The following FABP6 variants were observed in gnomAD, a reference collection of about 807,000 sequenced individuals.
FABP6 encodes the protein fatty acid binding protein 6.
FABP6 carries 13 observed loss-of-function variants against 14.9 expected under a neutral mutation model. That is an observed-to-expected ratio of 0.87 (90% CI 0.57 to 1.39). FABP6 has a LOEUF of 1.39. FABP6 is among the 40% of genes most tolerant of loss of function. FABP6 has a pLI of 0.00. For missense variants in FABP6, 161 were observed against 167.2 expected (o/e 0.96, Z 0.20); for synonymous variants, 75 against 63.6 (o/e 1.18, Z -0.85).
chr5:160,232,812 G>A (rs1223117339), intron 2 of FABP6, among the ~76,000 whole-genome samples: 6 of 151,754 alleles, frequency 4.0e-5, no homozygotes, highest in East Asian at 3.9e-4. Context: ...CAGGGGAATC[G>A]CTTGAATCCA....
At position 160,232,136 on chromosome 5, in the gene FABP6, A is replaced by G; in HGVS notation, c.106A>G (p.Lys36Glu). 1 of 1,614,014 alleles carries G rather than the reference A, an allele frequency of 6.2e-7. No individual in the cohort carries two copies. Among genetic ancestry groups the G allele is most frequent in the Non-Finnish European group, 8.5e-7 (1 of 1,179,992 alleles). Residue 36 changes from lysine to glutamate, a missense_variant, in exon 2 of 4, where the codon AAG (lysine) becomes GAG (glutamate). Transcript: ENST00000402432. ...TGTAATCGAAAAGGCCCGCAACTTC[A>G]AGATCGTCACGGAGGTGCAGCAGGA... is the stretch of plus-strand genomic sequence containing the variant. ...SDVIEKARNF[K>E]IVTEVQQDGQ... is the part of the protein sequence containing the mutation.
intron 2 of FABP6, among the ~76,000 whole-genome samples, chr5:160,234,148 C>T (rs1057139300): frequency 6.6e-6 from 1 of 152,134 alleles, no homozygotes; most frequent in South Asian, 2.1e-4. Flanking sequence ...GCAAATAACT[C>T]ACAATCTTCC....
intron 1 of FABP6, among the ~76,000 whole-genome samples, chr5:160,230,351 A>G (rs1760349910): frequency 1.3e-5 from 2 of 151,540 alleles, no homozygotes; most frequent in Non-Finnish European, 2.9e-5. Flanking sequence ...TTAGTCAAAC[A>G]TGTATTTATT....
chr5:160,228,218 C>A (rs1036237552), upstream of FABP6, among the ~76,000 whole-genome samples: 1 of 151,874 alleles, frequency 6.6e-6, no homozygotes, highest in African/African-American at 2.4e-5. Context: ...GTGGAGAAAC[C>A]CCGTCTCTAC....
chr5:160,232,957 GC>G (rs1283008856), intron 2 of FABP6, among the ~76,000 whole-genome samples: 4 of 147,150 alleles, frequency 2.7e-5, no homozygotes, highest in Non-Finnish European at 5.9e-5. Flanking sequence ...ACAGGGGCAG[GC>G]CTTTACACCA....
intron 1 of FABP6, among the ~76,000 whole-genome samples, chr5:160,196,239 G>A (rs985521530): frequency 3.3e-5 from 5 of 152,230 alleles, no homozygotes; most frequent in African/African-American, 1.2e-4. Context: ...CCTGGAGAGG[G>A]ACATCCCCTA....
chr5:160,188,194 G>C (rs1759326205), intron 1 of FABP6, among the ~76,000 whole-genome samples: 1 of 152,128 alleles, frequency 6.6e-6, no homozygotes, highest in Non-Finnish European at 1.5e-5. Context: ...CTGGTGGAAT[G>C]GGGTAGCTGG....
intron 1 of FABP6, among the ~76,000 whole-genome samples, chr5:160,193,959 G>T (rs11954722): frequency 1.0e-3 from 155 of 152,342 alleles, no homozygotes; most frequent in Admixed American, 2.8e-3. Context: ...GGCGCTCGTC[G>T]GGGAGGCTCG....
In FABP6 at chr5:160,194,524, G is replaced by T. The variant is rs113180727; in HGVS notation, c.-58-4525G>T. On this transcript the variant is annotated intron_variant, in intron 1 of 6. Coordinates refer to the FABP6 transcript ENST00000393980. ...CCATTGCACTCCAGCCTGGGCAATG[G>T]AGCAAGACCCGGTCTCAAAAAAATT... is the stretch of plus-strand genomic sequence containing the variant. Among the ~76,000 whole-genome samples, 464 of 152,130 alleles carry T rather than the reference G, an allele frequency of 3.1e-3. 1 individual carries two copies. Among genetic ancestry groups the T allele is most frequent in the African/African-American group, 0.011 (446 of 41,500 alleles).
At chr5:160,224,528 G>A (rs955749786), upstream of FABP6, among the ~76,000 whole-genome samples, 4 of 152,176 alleles carry the variant, frequency 2.6e-5, no homozygotes, top group Non-Finnish European at 5.9e-5. Flanking sequence ...CATTAGAAAT[G>A]ATTAAGCTTA....
intron 2 of FABP6, among the ~76,000 whole-genome samples, chr5:160,200,906 A>G (rs1339409010): frequency 6.6e-6 from 1 of 152,110 alleles, no homozygotes; most frequent in Admixed American, 6.5e-5. Flanking sequence ...AACTGGCACA[A>G]TCTTCATGGA....
intron 1 of FABP6, among the ~76,000 whole-genome samples, chr5:160,194,708 C>T (rs1484608972): frequency 6.6e-6 from 1 of 152,110 alleles, no homozygotes; most frequent in Non-Finnish European, 1.5e-5. Context: ...CAGTGTCCAC[C>T]TCCTTACCTC....
At chr5:160,219,722 A>G (rs137916622) in intron 3 of FABP6, among the ~76,000 whole-genome samples, 3 of 152,260 alleles carry the variant, frequency 2.0e-5, no homozygotes, top group East Asian at 1.9e-4. Flanking sequence ...AAGGAAATCA[A>G]TGGGAAAGGG....
chr5:160,208,403 A>G lies in FABP6; in HGVS notation c.52-5333A>G, dbSNP rs577615882. 2.0e-5 allele frequency among the ~76,000 whole-genome samples: 3 copies of G among 152,228 alleles called. No homozygotes were observed. In the South Asian group the frequency reaches 6.2e-4, roughly 32 times the overall value. On this transcript the variant is annotated intron_variant, in intron 2 of 6. Transcript: ENST00000393980. ...TTGTGAGCTAAAATCATGCCACTGC[A>G]TTCCAGCCTGGGTGACAGAACAAGA...
In FABP6 at chr5:160,237,513, T is replaced by C. The variant is rs114905427; in HGVS notation, c.334-1093T>C. Among the ~76,000 whole-genome samples the C allele has an allele frequency of 7.3e-3, 1,104 of 152,088 alleles. 9 individuals are homozygous for C. Among genetic ancestry groups the C allele is most frequent in the South Asian group, 0.021 (103 of 4,816 alleles). ...TGGCACCTCCCCACTTCTCCACCAA[T>C]AGACAGTGCATTTTGTAAGCATCCC... On this transcript the variant is annotated intron_variant, in intron 3 of 3. Transcript: ENST00000402432.
At chr5:160,187,529 T>C (rs896211066) in intron 1 of FABP6, 7 of 55,888 alleles carry the variant, frequency 1.3e-4, no homozygotes, top group African/African-American at 4.9e-4. Flanking sequence ...GGGTGGGGGT[T>C]GGGGGGGAGC....
chr5:160,235,610 C>T lies in FABP6; in HGVS notation c.333+701C>T, dbSNP rs1047462676. 2.6e-5 allele frequency among the ~76,000 whole-genome samples: 4 copies of T among 152,200 alleles called. No individual in the cohort carries two copies. The East Asian group carries it at 5.8e-4, about 22-fold the overall frequency. On this transcript the variant is annotated intron_variant, in intron 3 of 3. Transcript: ENST00000402432. ...AAAGGGAAAAGAAGGCATTTCCATA[C>T]TTCATTCCCTCACTGTGAGCCTGTG... is the stretch of plus-strand genomic sequence containing the variant.
intron 1 of FABP6, among the ~76,000 whole-genome samples, chr5:160,196,164 G>A (rs1490915666): frequency 6.6e-6 from 1 of 152,244 alleles, no homozygotes; most frequent in East Asian, 1.9e-4. Flanking sequence ...GATGCCAGGT[G>A]GCTTGATGAT....
At position 160,232,902 on chromosome 5, in the gene FABP6, A is replaced by AAAAT. The variant is rs1055890861; in HGVS notation, c.243+641_243+644dup. On this transcript the variant is annotated intron_variant, in intron 2 of 3. Transcript: ENST00000402432. ...ACAGAGTGAGAGTCCATCACACAAAAAAATAAATAAATAAAAATAAAAAAA... is the reference window on the plus strand; with the variant it reads ...ACAGAGTGAGAGTCCATCACACAAAAAAATAAATAAATAAATAAAAATAAAAAAA... Among the ~76,000 whole-genome samples the AAAAT allele has an allele frequency of 5.3e-5, 8 of 151,498 alleles. No individual in the cohort carries two copies. In the South Asian group the frequency reaches 1.7e-3, roughly 32 times the overall value.
Sources: gnomAD v4.1 joint callset for allele counts (sites outside exome capture counted in the v4.1 genomes callset) on GRCh38, gnomAD v4.1.1 for gene constraint, MANE v1.5 for transcripts, NCBI Gene and HGNC (gene_info 2026-07-23, HGNC 2026-07-21) for gene names.